CRKL: variants seen among roughly 807,000 people sequenced by gnomAD.
CRKL encodes the protein CRK like proto-oncogene, adaptor protein, also known as crk-like protein.
A neutral mutation model predicts 23.0 loss-of-function variants in CRKL; 3 were observed. The ratio of observed to expected loss-of-function variants is 0.13; its 90% confidence interval spans 0.06 to 0.34. The LOEUF (loss-of-function observed/expected upper bound fraction) is 0.34. CRKL is among the 10% of genes least tolerant of loss of function. CRKL has a pLI of 1.00. For missense variants in CRKL, 256 were observed against 394.5 expected, an observed-to-expected ratio of 0.65 and a Z score of 2.97; for synonymous variants, 188 against 160.7, an observed-to-expected ratio of 1.17 and a Z score of -1.28.
chr22:20,936,660 T>C (rs374684512), intron 2 of CRKL, among the ~76,000 whole-genome samples: 1 of 151,842 alleles, frequency 6.6e-6, no homozygotes, highest in East Asian at 2.0e-4. Flanking sequence ...CCTCAAGTTT[T>C]TCTTTGGACC....
rs368076774 is a variant in CRKL, at chr22:20,929,366, T to C, written c.312-4413T>C. ...ATTTTTAGTAGAGATGGGGTTTCAC[T>C]GTGTTAGCCAGGATGGTCTCGATCT... On this transcript the variant is annotated intron_variant, in intron 1 of 2. Coordinates refer to ENST00000354336, the MANE Select transcript of CRKL (RefSeq NM_005207.4). Among the ~76,000 whole-genome samples the C allele has an allele frequency of 7.0e-4, 107 of 151,882 alleles. 2 individuals are homozygous for C. The East Asian group carries it at 0.016, about 23-fold the overall frequency.
rs1250817137 is a variant in CRKL at position 20,952,612 on chromosome 22, G to A, written c.*2767G>A. 2 of 232,658 alleles carry A rather than the reference G, an allele frequency of 8.6e-6. No individual in the cohort carries two copies. Among genetic ancestry groups the A allele is most frequent in the Non-Finnish European group, 1.7e-5 (2 of 117,632 alleles). The allele number at this position is 232,658 out of a possible 1,614,324, so 14.4% of individuals were successfully genotyped here. On this transcript the variant is annotated 3_prime_UTR_variant, in exon 3 of 3. Coordinates refer to ENST00000354336, the MANE Select transcript of CRKL (RefSeq NM_005207.4). Reference sequence around the variant, plus strand: ...TCCCCACTGGTCTGGGAAGACTGTTGTGCTCCATAGAGCAGTGCACATCTG... The same window carrying A: ...TCCCCACTGGTCTGGGAAGACTGTTATGCTCCATAGAGCAGTGCACATCTG...
chr22:20,930,650 G>A (rs1315532758), intron 1 of CRKL, among the ~76,000 whole-genome samples: 3 of 148,384 alleles, frequency 2.0e-5, no homozygotes, highest in Non-Finnish European at 4.4e-5. Flanking sequence ...CCAGTGTTGG[G>A]ATTACAGGCG....
chr22:20,947,704 G>A (rs6005013), intron 2 of CRKL, among the ~76,000 whole-genome samples: 102,981 of 134,506 alleles, frequency 0.77, 39,889 homozygotes, highest in South Asian at 0.92. Context: ...TTTTGAGACA[G>A]GGTCTTGCTC....
chr22:20,922,018 T>C (rs1287323175), intron 1 of CRKL, among the ~76,000 whole-genome samples: 2 of 144,050 alleles, frequency 1.4e-5, no homozygotes, highest in East Asian at 2.0e-4. Flanking sequence ...TTTTTTTTTT[T>C]TTTTTTTTTT....
rs1046418027 is a variant in CRKL at position 20,951,976 on chromosome 22, G to A, written c.*2131G>A. On this transcript the variant is annotated 3_prime_UTR_variant, in exon 3 of 3. Transcript: ENST00000354336. ...GGTGTGTCAGGTTGGCTTATTTTGGGTTCAGGCCTGGCGTAGCACCCACAA... is the reference window on the plus strand; with the variant it reads ...GGTGTGTCAGGTTGGCTTATTTTGGATTCAGGCCTGGCGTAGCACCCACAA... The A allele has an allele frequency of 1.8e-5, 4 of 222,786 alleles. No individual in the cohort carries two copies. In the East Asian group the frequency reaches 2.6e-4, roughly 15 times the overall value. The allele number at this position is 222,786 out of a possible 1,614,324, so 13.8% of individuals were successfully genotyped here.
chr22:20,937,253 T>TA (rs1440515906), intron 2 of CRKL, among the ~76,000 whole-genome samples: 1 of 152,130 alleles, frequency 6.6e-6, no homozygotes, highest in Non-Finnish European at 1.5e-5. Context: ...GGGCTGTTAA[T>TA]ACCCTGTAGC....
chr22:20,927,513 C>CG (rs71186694), intron 1 of CRKL, among the ~76,000 whole-genome samples: 56,136 of 139,628 alleles, frequency 0.4, 12,111 homozygotes, highest in Non-Finnish European at 0.46. Flanking sequence ...AGTTTTCTAC[C>CG]TTTTTTTTTT....
chr22:20,947,368 C>T (rs935284863), intron 2 of CRKL, among the ~76,000 whole-genome samples: 1 of 151,840 alleles, frequency 6.6e-6, no homozygotes, highest in African/African-American at 2.4e-5. Context: ...TGAGCCACTG[C>T]GCCCAGCTAC....
intron 2 of CRKL, among the ~76,000 whole-genome samples, chr22:20,934,805 A>ATTTTTT (rs67055933): frequency 2.0e-5 from 2 of 98,528 alleles, no homozygotes; most frequent in Non-Finnish European, 3.7e-5. Flanking sequence ...AGAGGAATGA[A>ATTTTTT]TTTTTTTTTT....
At chr22:20,943,072 C>T (rs1921935167) in intron 2 of CRKL, among the ~76,000 whole-genome samples, 1 of 152,120 alleles carries the variant, frequency 6.6e-6, no homozygotes, top group Non-Finnish European at 1.5e-5. Context: ...TTATAGCCAT[C>T]CTAGTAGGTG....
chr22:20,920,327 C>G (rs771409565), intron 1 of CRKL, among the ~76,000 whole-genome samples: 3 of 151,984 alleles, frequency 2.0e-5, no homozygotes, highest in Non-Finnish European at 4.4e-5. Context: ...ATGGTGAAAC[C>G]CCGTCTCTGC....
At position 20,917,431 on chromosome 22, in the gene CRKL, G is replaced by C; in HGVS notation, c.-504G>C. On this transcript the variant is annotated 5_prime_UTR_variant, in exon 1 of 3. Transcript: ENST00000354336. Reference sequence around the variant, plus strand: ...CGCAGACGGAGCGCGCTGAGCGGAGGGGGAGGTGGCTGCCGCTTCTCCCGC... The same window carrying C: ...CGCAGACGGAGCGCGCTGAGCGGAGCGGGAGGTGGCTGCCGCTTCTCCCGC... The C allele has an allele frequency of 8.9e-6, 2 of 225,858 alleles. No individual in the cohort carries two copies. Among genetic ancestry groups the C allele is most frequent in the Non-Finnish European group, 1.8e-5 (2 of 113,064 alleles). The allele number at this position is 225,858 out of a possible 1,614,324, so 14.0% of individuals were successfully genotyped here. A position where few individuals can be genotyped will look rare whatever the true frequency, so the allele number is the denominator to read the frequency against.
chr22:20,927,192 A>ATTTTT (rs532930393), intron 1 of CRKL, among the ~76,000 whole-genome samples: 45,271 of 81,412 alleles, frequency 0.56, 14,805 homozygotes, highest in East Asian at 0.76. Flanking sequence ...TTGGAATTGA[A>ATTTTT]TTTTTTTTTT....
chr22:20,929,653 G>A (rs1921367525), intron 1 of CRKL, among the ~76,000 whole-genome samples: 2 of 152,100 alleles, frequency 1.3e-5, no homozygotes, highest in African/African-American at 4.8e-5. Context: ...AATAGTGACA[G>A]GGTTTTGTCA....
At chr22:20,949,341 G>A (rs182967237) in intron 2 of CRKL, among the ~76,000 whole-genome samples, 20 of 152,242 alleles carry the variant, frequency 1.3e-4, no homozygotes, top group Admixed American at 1.1e-3. Flanking sequence ...TGCCCAGGCT[G>A]GTCTCGAACT....
At chr22:20,941,601 T>A (rs1246682478) in intron 2 of CRKL, among the ~76,000 whole-genome samples, 2 of 97,786 alleles carry the variant, frequency 2.0e-5, no homozygotes, top group African/African-American at 7.9e-5. Flanking sequence ...TTTTTTTTTT[T>A]TTTTTTTTTT....
rs528088731 is a variant in CRKL, at chr22:20,935,454, T to C, written c.777+1210T>C. Among the ~76,000 whole-genome samples, 6 of 152,248 alleles carry C rather than the reference T, an allele frequency of 3.9e-5. No homozygotes were observed. The East Asian group carries it at 5.8e-4, about 15-fold the overall frequency. On this transcript the variant is annotated intron_variant, in intron 2 of 2. Coordinates refer to ENST00000354336, the MANE Select transcript of CRKL (RefSeq NM_005207.4). ...AAAATACATCAGCCCTTGCTTGTTA[T>C]GGATTTTGTAAATTAGAATAGCATG... is the stretch of plus-strand genomic sequence containing the variant.
intron 2 of CRKL, among the ~76,000 whole-genome samples, chr22:20,937,929 G>A (rs1921723464): frequency 6.6e-6 from 1 of 151,982 alleles, no homozygotes; most frequent in African/African-American, 2.4e-5. Flanking sequence ...GAGTGCAGTG[G>A]CATGATCTCC....
Sources: allele counts gnomAD v4.1 joint callset (sites outside exome capture counted in the v4.1 genomes callset), GRCh38; gene constraint gnomAD v4.1.1; transcripts MANE v1.5; gene names NCBI Gene and HGNC (gene_info 2026-07-23, HGNC 2026-07-21).